The following LPP variants were observed in gnomAD, a reference collection of about 807,000 sequenced individuals.
LPP encodes LIM domain containing preferred translocation partner in lipoma.
Under a neutral mutation model 60.4 loss-of-function variants are expected in LPP, and 38 were observed. The observed-to-expected ratio is 0.63, with a 90% CI of 0.49 to 0.83. The LOEUF is 0.83. Among genes scored for constraint, LPP ranks in the 40% least tolerant of loss-of-function variants. The pLI, the probability that LPP is intolerant of heterozygous loss-of-function variation, is 0.00. For missense variants in LPP, 902 were observed against 783.6 expected, an observed-to-expected ratio of 1.15 and a Z score of -1.80; for synonymous variants, 328 against 290.8, an observed-to-expected ratio of 1.13 and a Z score of -1.30.
At chr3:188,281,907 C>T (rs1742215115) in intron 2 of LPP, among the ~76,000 whole-genome samples, 1 of 152,022 alleles carries the variant, frequency 6.6e-6, no homozygotes. Flanking sequence ...ATAGTTACTC[C>T]GAATTGCAGT....
At chr3:188,382,021 C>G (rs1777045257) in intron 3 of LPP, among the ~76,000 whole-genome samples, 1 of 151,678 alleles carries the variant, frequency 6.6e-6, no homozygotes, top group African/African-American at 2.4e-5. Context: ...TTCCTGAGCT[C>G]AAGTGATCCT....
At chr3:188,742,634 A>G (rs771677040) in intron 8 of LPP, among the ~76,000 whole-genome samples, 26 of 152,078 alleles carry the variant, frequency 1.7e-4, no homozygotes, top group Non-Finnish European at 3.4e-4. Flanking sequence ...CAAAGCAATC[A>G]GTGGTTTGCT....
At chr3:188,648,808 T>C (rs571891216) in intron 7 of LPP, among the ~76,000 whole-genome samples, 24 of 152,338 alleles carry the variant, frequency 1.6e-4, no homozygotes, top group African/African-American at 5.8e-4. Flanking sequence ...GGTTTATTTT[T>C]TCCCCTTTCT....
intron 7 of LPP, among the ~76,000 whole-genome samples, chr3:188,662,781 CA>C (rs1247718658): frequency 6.6e-6 from 1 of 152,208 alleles, no homozygotes; most frequent in Non-Finnish European, 1.5e-5. Flanking sequence ...GTGCAATGCA[CA>C]CATTCGTGAA....
At chr3:188,688,144 A>C (rs1265979811) in intron 7 of LPP, among the ~76,000 whole-genome samples, 1 of 152,238 alleles carries the variant, frequency 6.6e-6, no homozygotes, top group South Asian at 2.1e-4. Context: ...ACAATAATCT[A>C]TATGATGGGC....
At chr3:188,613,314 A>ATCTATATCTATATC (rs1379478231) in intron 7 of LPP, among the ~76,000 whole-genome samples, 3 of 144,374 alleles carry the variant, frequency 2.1e-5, no homozygotes, top group East Asian at 2.0e-4. Flanking sequence ...CTATATCTAT[A>ATCTATATCTATATC]TATATCGCTG....
chr3:188,638,662 C>T (rs982525213), intron 7 of LPP, among the ~76,000 whole-genome samples: 33 of 148,716 alleles, frequency 2.2e-4, no homozygotes, highest in African/African-American at 8.1e-4. Context: ...GCAACTTCAG[C>T]AAAGTCTCAG....
At chr3:188,715,519 A>G (rs541121281) in intron 8 of LPP, among the ~76,000 whole-genome samples, 4 of 152,102 alleles carry the variant, frequency 2.6e-5, no homozygotes, top group Non-Finnish European at 5.9e-5. Flanking sequence ...TAGGAGAGAA[A>G]GGTATTATTC....
At chr3:188,715,668 C>CTT (rs1356784838) in intron 8 of LPP, among the ~76,000 whole-genome samples, 1 of 152,124 alleles carries the variant, frequency 6.6e-6, no homozygotes, top group Non-Finnish European at 1.5e-5. Flanking sequence ...TTGTCCAAGA[C>CTT]TTTTCTGTGT....
intron 6 of LPP, among the ~76,000 whole-genome samples, chr3:188,569,680 T>C (rs1833063276): frequency 6.6e-6 from 1 of 152,012 alleles, no homozygotes; most frequent in Non-Finnish European, 1.5e-5. Context: ...GAAGGTTGTA[T>C]GTAACTCATC....
intron 1 of LPP, chr3:188,180,257 C>A: frequency 6.5e-6 from 1 of 154,826 alleles, no homozygotes. Flanking sequence ...GGCAGAATCC[C>A]TCACCGTGCC....
intron 5 of LPP, among the ~76,000 whole-genome samples, chr3:188,489,266 G>A (rs1807592763): frequency 6.6e-6 from 1 of 152,124 alleles, no homozygotes; most frequent in African/African-American, 2.4e-5. Context: ...GTCATTTTAT[G>A]GTAAATTATG....
intron 1 of LPP, among the ~76,000 whole-genome samples, chr3:188,222,474 T>C (rs187086926): frequency 1.3e-5 from 2 of 152,308 alleles, no homozygotes; most frequent in Admixed American, 1.3e-4. Flanking sequence ...GGGTAGATGA[T>C]ATTAACCCTG....
At chr3:188,249,703 A>C (rs970057207) in intron 2 of LPP, among the ~76,000 whole-genome samples, 1 of 151,668 alleles carries the variant, frequency 6.6e-6, no homozygotes, top group Non-Finnish European at 1.5e-5. Context: ...TTATTTAAAA[A>C]GTTGCAAAAT....
chr3:188,691,059 T>C (rs1862019603), intron 7 of LPP, among the ~76,000 whole-genome samples: 1 of 152,202 alleles, frequency 6.6e-6, no homozygotes, highest in South Asian at 2.1e-4. Context: ...TACTGTGTCA[T>C]GACTATTTTG....
At chr3:188,796,561 T>C (rs1359948841) in intron 9 of LPP, among the ~76,000 whole-genome samples, 1 of 152,150 alleles carries the variant, frequency 6.6e-6, no homozygotes, top group East Asian at 1.9e-4. Flanking sequence ...ACACACCATG[T>C]ATTCAACATC....
At chr3:188,236,453 G>A (rs139535268) in intron 2 of LPP, among the ~76,000 whole-genome samples, 420 of 152,124 alleles carry the variant, frequency 2.8e-3, no homozygotes, top group African/African-American at 9.9e-3. Context: ...GGGACATGCC[G>A]GAAAAGTGAA....
intron 2 of LPP, among the ~76,000 whole-genome samples, chr3:188,336,394 G>A (rs1048431153): frequency 2.6e-5 from 4 of 152,164 alleles, no homozygotes; most frequent in African/African-American, 9.7e-5. Context: ...TCCCAGCTGT[G>A]AGTGGCTCAA....
intron 9 of LPP, among the ~76,000 whole-genome samples, chr3:188,849,883 G>A (rs1037998761): frequency 3.9e-5 from 6 of 152,110 alleles, no homozygotes; most frequent in African/African-American, 9.7e-5. Context: ...TGAAGACAAC[G>A]TATGTTTCTC....
Sources: allele counts gnomAD v4.1 joint callset (sites outside exome capture counted in the v4.1 genomes callset), GRCh38; gene constraint gnomAD v4.1.1; transcripts MANE v1.5; gene names NCBI Gene and HGNC (gene_info 2026-07-23, HGNC 2026-07-21).